TAX1BP1: variants seen among roughly 807,000 people sequenced by gnomAD.
TAX1BP1 encodes the protein tax1-binding protein 1.
In TAX1BP1, 62 loss-of-function variants were observed where a neutral mutation model predicts 97.7. The observed-to-expected ratio is 0.63, with a 90% CI of 0.52 to 0.78. The LOEUF is 0.78. TAX1BP1 is among the 30% of genes least tolerant of loss of function. TAX1BP1 has a pLI of 0.00. For missense variants in TAX1BP1, 867 were observed against 916.1 expected, an observed-to-expected ratio of 0.95 and a Z score of 0.69; for synonymous variants, 340 against 304.2, an observed-to-expected ratio of 1.12 and a Z score of -1.23.
chr7:27,763,758 ACT>A (rs1788519739), intron 3 of TAX1BP1, among the ~76,000 whole-genome samples: 1 of 148,688 alleles, frequency 6.7e-6, no homozygotes, highest in South Asian at 2.1e-4. Flanking sequence ...ACAGAGCGAG[ACT>A]CTGTCTCAAA....
intron 5 of TAX1BP1, among the ~76,000 whole-genome samples, chr7:27,782,763 C>T (rs73073388): frequency 0.077 from 11,745 of 152,166 alleles, 652 homozygotes; most frequent in Middle Eastern, 0.12. Context: ...TTAAAGTGTT[C>T]AGGTGCTAGT....
chr7:27,769,610 A>C, intron 4 of TAX1BP1, 66 bp from the exon 5 acceptor site: 1 of 1,344,812 alleles, frequency 7.4e-7, no homozygotes, highest in Non-Finnish European at 1.0e-6. Context: ...ATGGAAAACT[A>C]AATTTGTAAT....
intron 2 of TAX1BP1, among the ~76,000 whole-genome samples, chr7:27,752,650 T>C (rs1012006423): frequency 4.6e-5 from 7 of 152,222 alleles, no homozygotes; most frequent in African/African-American, 1.7e-4. Context: ...TTGTTCCTTT[T>C]AGTTTTTTCA....
chr7:27,828,471 T>A (rs1185565979), intron 16 of TAX1BP1, among the ~76,000 whole-genome samples, 157 bp from the exon 17 acceptor site: 1 of 152,214 alleles, frequency 6.6e-6, no homozygotes, highest in African/African-American at 2.4e-5. Flanking sequence ...ACAGCAAGCA[T>A]TTAGAAGCAG....
chr7:27,826,220 G>A (rs1238649214), intron 15 of TAX1BP1, among the ~76,000 whole-genome samples: 3 of 152,138 alleles, frequency 2.0e-5, no homozygotes, highest in Non-Finnish European at 4.4e-5. Context: ...AGTATATAAA[G>A]TATTCGTGTT....
intron 12 of TAX1BP1, among the ~76,000 whole-genome samples, chr7:27,798,942 A>G (rs1490373002): frequency 6.6e-6 from 1 of 150,904 alleles, no homozygotes; most frequent in Non-Finnish European, 1.5e-5. Context: ...TGTAAGGTGA[A>G]TATTTTCTCC....
intron 13 of TAX1BP1, among the ~76,000 whole-genome samples, chr7:27,809,480 C>T (rs936466041): frequency 6.6e-6 from 1 of 152,182 alleles, no homozygotes; most frequent in African/African-American, 2.4e-5. Context: ...ACATGGACCC[C>T]TTGAGGGGCT....
At chr7:27,780,025 TAC>T (rs1352682998) in intron 5 of TAX1BP1, among the ~76,000 whole-genome samples, 1 of 152,194 alleles carries the variant, frequency 6.6e-6, no homozygotes, top group African/African-American at 2.4e-5. Context: ...AAGCTGGGAA[TAC>T]AGTATAGTTG....
chr7:27,809,041 A>C (rs1790449447), intron 13 of TAX1BP1, among the ~76,000 whole-genome samples: 1 of 146,640 alleles, frequency 6.8e-6, no homozygotes, highest in African/African-American at 2.6e-5. Context: ...TGTAGTTATC[A>C]AAATATTAAG....
intron 5 of TAX1BP1, among the ~76,000 whole-genome samples, chr7:27,783,398 G>A (rs3823946): frequency 0.66 from 100,286 of 152,022 alleles, 33,454 homozygotes; most frequent in African/African-American, 0.74. Context: ...TAACTCAGAC[G>A]TGAAAACTAC....
intron 15 of TAX1BP1, among the ~76,000 whole-genome samples, chr7:27,825,549 G>C (rs1791145735): frequency 1.3e-5 from 2 of 152,082 alleles, no homozygotes; most frequent in Admixed American, 1.3e-4. Context: ...TTATACTCTT[G>C]AGCCCCTCTC....
intron 1 of TAX1BP1, among the ~76,000 whole-genome samples, chr7:27,743,179 G>T (rs192581421): frequency 6.6e-6 from 1 of 152,308 alleles, no homozygotes; most frequent in African/African-American, 2.4e-5. Flanking sequence ...TTGGCACTCA[G>T]GTGTAAAGGA....
chr7:27,748,437 T>A, intron 1 of TAX1BP1, 81 bp from the exon 2 acceptor site: 6 of 955,472 alleles, frequency 6.3e-6, no homozygotes, highest in Middle Eastern at 2.5e-4. Flanking sequence ...ATGAAACTTA[T>A]ATTAAATATT....
In TAX1BP1 at chr7:27,765,943, A is replaced by G. The variant is rs765368962; in HGVS notation, c.375A>G (p.Pro125=). The G allele has an allele frequency of 6.2e-7, 1 of 1,614,216 alleles. No individual in the cohort carries two copies. The highest frequency in any genetic ancestry group is 8.5e-7 in the Non-Finnish European group (1 of 1,180,036). Residue 125 remains proline, a synonymous_variant, in exon 4 of 17, where the codon CCA becomes CCG. Coordinates refer to ENST00000396319, the MANE Select transcript of TAX1BP1 (RefSeq NM_006024.7). ...CTTTCCAGTTTCGAGCTTCTTCTCC[A>G]GTTGAAGAGCTGCTTACTATGGAAG... ...STPFQFRASS[P]VEELLTMEDE...
intron 15 of TAX1BP1, among the ~76,000 whole-genome samples, chr7:27,818,336 G>T (rs925491984): frequency 1.3e-5 from 2 of 152,090 alleles, no homozygotes; most frequent in Non-Finnish European, 2.9e-5. Flanking sequence ...GCAGTCAGAA[G>T]ATTTTTCACA....
In TAX1BP1 at chr7:27,822,403, T is replaced by C. The variant is rs567184767; in HGVS notation, c.2086-5335T>C. Among the ~76,000 whole-genome samples, 23 of 152,336 alleles carry C rather than the reference T, an allele frequency of 1.5e-4. No homozygotes were observed. In the East Asian group the frequency reaches 1.9e-3, roughly 13 times the overall value. On this transcript the variant is annotated intron_variant, in intron 15 of 16. Coordinates refer to ENST00000396319, the MANE Select transcript of TAX1BP1 (RefSeq NM_006024.7). ...GTGGAAATCCTAGGAGTGGAACTGCTGGGTCATGTGGTAACTCTTATGTTT... is the reference window on the plus strand; with the variant it reads ...GTGGAAATCCTAGGAGTGGAACTGCCGGGTCATGTGGTAACTCTTATGTTT...
At chr7:27,812,414 A>G (rs1173858681) in intron 13 of TAX1BP1, among the ~76,000 whole-genome samples, 2 of 151,640 alleles carry the variant, frequency 1.3e-5, no homozygotes, top group Non-Finnish European at 2.9e-5. Context: ...TTTTGGTGTT[A>G]TTTTCTTCCA....
chr7:27,772,706 G>T (rs563610608), intron 5 of TAX1BP1, among the ~76,000 whole-genome samples: 29 of 151,984 alleles, frequency 1.9e-4, no homozygotes, highest in African/African-American at 6.7e-4. Context: ...AAAAGAATTG[G>T]ATATGTTGGG....
In TAX1BP1 at chr7:27,789,299, TTC is replaced by T. The variant is rs781264300; in HGVS notation, c.1038+1698_1038+1699del. On this transcript the variant is annotated intron_variant, in intron 8 of 16. Coordinates refer to ENST00000396319, the MANE Select transcript of TAX1BP1 (RefSeq NM_006024.7). Reference sequence around the variant, plus strand: ...TTAATTTTAATATTTGCTTTTATTCTTCTGTTTGATTTATTTTTATTGTTTGA... The same window carrying T: ...TTAATTTTAATATTTGCTTTTATTCTTGTTTGATTTATTTTTATTGTTTGA... 7.9e-4 allele frequency among the ~76,000 whole-genome samples: 120 copies of T among 152,110 alleles called. 2 individuals are homozygous for T. Among genetic ancestry groups the T allele is most frequent in the Admixed American group, 1.1e-3 (17 of 15,282 alleles).
Sources: allele counts gnomAD v4.1 joint callset (sites outside exome capture counted in the v4.1 genomes callset), GRCh38; gene constraint gnomAD v4.1.1; transcripts MANE v1.5; gene names NCBI Gene and HGNC (gene_info 2026-07-23, HGNC 2026-07-21).